LSP1: variants seen among roughly 807,000 people sequenced by gnomAD.
LSP1 encodes lymphocyte specific protein 1.
LSP1 carries 32 observed loss-of-function variants against 49.3 expected under a neutral mutation model. That is an observed-to-expected ratio of 0.65 (90% confidence interval 0.49 to 0.87). LSP1 has a LOEUF of 0.87. Ranked by LOEUF, LSP1 falls within the 40% of genes least tolerant of loss-of-function variation. The pLI is 0.00. For synonymous variants in LSP1, 179 were observed against 178.8 expected, an observed-to-expected ratio of 1.00 and a Z score of -0.01; for missense variants, 428 against 442.6, an observed-to-expected ratio of 0.97 and a Z score of 0.30.
intron 1 of LSP1, among the ~76,000 whole-genome samples, chr11:1,868,516 G>A (rs1847870299): frequency 6.6e-6 from 1 of 152,246 alleles, no homozygotes; most frequent in African/African-American, 2.4e-5. Context: ...GGCTCCTGAT[G>A]TGGCCAGTGG....
chr11:1,882,605 G>T (rs1848590615), intron 3 of LSP1, among the ~76,000 whole-genome samples: 1 of 152,112 alleles, frequency 6.6e-6, no homozygotes, highest in African/African-American at 2.4e-5. Flanking sequence ...AGGCGGGCGA[G>T]GCTGCTCCCA....
At chr11:1,889,531 C>T in intron 10 of LSP1, 1 of 614,052 alleles carries the variant, frequency 1.6e-6, no homozygotes, top group Non-Finnish European at 3.0e-6. Flanking sequence ...GGCTCTGGGG[C>T]CTCCTCCAGC....
At chr11:1,876,829 C>T (rs969274657) in intron 1 of LSP1, among the ~76,000 whole-genome samples, 62 of 152,214 alleles carry the variant, frequency 4.1e-4, no homozygotes, top group African/African-American at 1.4e-3. Flanking sequence ...AGCTCCACTC[C>T]GAACGAGGCA....
Position 1,891,829 on chromosome 11 carries a change from C to T in LSP1, c.*70C>T, listed in dbSNP as rs567925305. The T allele has an allele frequency of 5.0e-4, 77 of 152,656 alleles. No homozygotes were observed. The highest frequency in any genetic ancestry group is 1.8e-3 in the African/African-American group (76 of 41,544). 9.5% of individuals were successfully genotyped at this position (152,656 alleles called of 1,614,324 possible). A position where few individuals can be genotyped will look rare whatever the true frequency, so the allele number is the denominator to read the frequency against. ...ACCCTCCATGTACCCAGGGGAGATT[C>T]CAGCCAGACACCCGCCCCCCGGCCC... On this transcript the variant is annotated 3_prime_UTR_variant, in exon 11 of 11. Transcript: ENST00000311604.
intron 1 of LSP1, among the ~76,000 whole-genome samples, chr11:1,859,070 G>T (rs999511947): frequency 3.9e-5 from 6 of 152,170 alleles, no homozygotes; most frequent in African/African-American, 1.4e-4. Flanking sequence ...AGGCACATGG[G>T]CCCCTGACCT....
intron 1 of LSP1, among the ~76,000 whole-genome samples, chr11:1,877,784 C>T (rs148607312): frequency 6.6e-6 from 1 of 152,106 alleles, no homozygotes; most frequent in Non-Finnish European, 1.5e-5. Flanking sequence ...TCGTGGAGAA[C>T]GTGTGTGAGT....
intron 1 of LSP1, among the ~76,000 whole-genome samples, chr11:1,857,907 A>G (rs1401665557): frequency 6.6e-6 from 1 of 152,140 alleles, no homozygotes; most frequent in Non-Finnish European, 1.5e-5. Flanking sequence ...GGCACCTGCC[A>G]CTGCCCCCGG....
chr11:1,881,614 G>A lies in LSP1; in HGVS notation c.356+18G>A, dbSNP rs1267130856. 1 of 1,462,910 alleles carries A rather than the reference G, an allele frequency of 6.8e-7. No homozygotes were observed. The highest frequency in any genetic ancestry group is 2.8e-5 in the East Asian group (1 of 35,840). 90.6% of individuals were successfully genotyped at this position (1,462,910 alleles called of 1,614,324 possible). On this transcript the variant is annotated intron_variant, in intron 3 of 10. Transcript: ENST00000311604. ...GAGGACAGGTGAGTGAGGGCCTCGAGGGCGGGCGCTGGGCAGAGCAGGGCT... is the reference window on the plus strand; with the variant it reads ...GAGGACAGGTGAGTGAGGGCCTCGAAGGCGGGCGCTGGGCAGAGCAGGGCT...
chr11:1,864,596 C>T (rs753105903), intron 1 of LSP1, among the ~76,000 whole-genome samples: 6 of 151,184 alleles, frequency 4.0e-5, no homozygotes, highest in South Asian at 2.1e-4. Context: ...TTACTCTTCT[C>T]GGAAGGAGGA....
intron 3 of LSP1, among the ~76,000 whole-genome samples, chr11:1,882,670 C>CGG (rs1848594244): frequency 6.6e-6 from 1 of 152,204 alleles, no homozygotes; most frequent in South Asian, 2.1e-4. Flanking sequence ...GCCGCCACCC[C>CGG]ACCCCCTGCA....
At chr11:1,874,345 A>T (rs1190577332) in intron 1 of LSP1, among the ~76,000 whole-genome samples, 9 of 136,056 alleles carry the variant, frequency 6.6e-5, no homozygotes, top group African/African-American at 2.6e-4. Context: ...CAGGCTGGGG[A>T]CAGTGGGGGC....
At chr11:1,883,219 C>G (rs1340135998) in intron 3 of LSP1, among the ~76,000 whole-genome samples, 200 bp from the exon 4 acceptor site, 2 of 152,274 alleles carry the variant, frequency 1.3e-5, no homozygotes, top group Non-Finnish European at 2.9e-5. Flanking sequence ...GGCCCTGACA[C>G]AGGGGCCCAA....
rs139608585 is a variant in LSP1 at position 1,870,007 on chromosome 11, G to A, written c.54-10080G>A. 1,785 of 390,568 alleles carry A rather than the reference G, an allele frequency of 4.6e-3. 30 individuals are homozygous for A. The highest frequency in any genetic ancestry group is 0.031 in the African/African-American group (1,470 of 48,006). The allele number at this position is 390,568 out of a possible 1,614,324, so 24.2% of individuals were successfully genotyped here. On this transcript the variant is annotated intron_variant, in intron 1 of 10. Transcript: ENST00000311604. ...GCTCCCTGGGACCCCTGCGTGAGAC[G>A]TGAGAGGTGCACCTCCGAGCCTCCG...
chr11:1,889,977 A>T, intron 10 of LSP1: 1 of 632,554 alleles, frequency 1.6e-6, no homozygotes, highest in Non-Finnish European at 2.9e-6. Context: ...GTTGGATCCC[A>T]CTTCTGGGGC....
chr11:1,879,662 C>G (rs1287704149), intron 1 of LSP1, among the ~76,000 whole-genome samples: 1 of 152,222 alleles, frequency 6.6e-6, no homozygotes, highest in African/African-American at 2.4e-5. Context: ...TGCGGCCAGT[C>G]TCCCTGGACT....
intron 1 of LSP1, chr11:1,866,664 C>A (rs184276196): frequency 1.3e-6 from 2 of 1,550,370 alleles, no homozygotes; most frequent in Admixed American, 2.0e-5. Flanking sequence ...CCCTGCCCAA[C>A]GGGAATGTGT....
chr11:1,880,026 T>G lies in LSP1; in HGVS notation c.54-61T>G, dbSNP rs1184528633. The G allele has an allele frequency of 4.4e-6, 7 of 1,589,670 alleles. No individual in the cohort carries two copies. The African/African-American group carries it at 8.2e-5, about 19-fold the overall frequency. On this transcript the variant is annotated intron_variant, in intron 1 of 10. Transcript: ENST00000311604. ...GCAAGGCCTGTGTAGATGGGAGGAA[T>G]GGGTGCAAAACAGCACCTGTGTCGG...
chr11:1,859,896 A>G (rs1017078873), intron 1 of LSP1, among the ~76,000 whole-genome samples: 1 of 152,154 alleles, frequency 6.6e-6, no homozygotes, highest in Non-Finnish European at 1.5e-5. Context: ...TCGGGAGCCA[A>G]TGAGGCCACC....
chr11:1,859,287 C>T (rs1847563757), intron 1 of LSP1, among the ~76,000 whole-genome samples: 2 of 152,150 alleles, frequency 1.3e-5, no homozygotes, highest in African/African-American at 4.8e-5. Context: ...GCCCAGTACC[C>T]TTCCCAGAGT....
Sources: allele counts gnomAD v4.1 joint callset (sites outside exome capture counted in the v4.1 genomes callset), GRCh38; gene constraint gnomAD v4.1.1; transcripts MANE v1.5; gene names NCBI Gene and HGNC (gene_info 2026-07-23, HGNC 2026-07-21).